MAGI2: variants seen among roughly 807,000 people sequenced by gnomAD.
MAGI2 encodes the protein membrane associated guanylate kinase, WW and PDZ domain containing 2, also known as membrane-associated guanylate kinase, WW and PDZ domain-containing protein 2.
A neutral mutation model predicts 133.3 loss-of-function variants in MAGI2; 35 were observed. The observed-to-expected ratio is 0.26, with a 90% CI of 0.20 to 0.35. MAGI2 has a LOEUF of 0.35. Ranked by LOEUF, MAGI2 falls within the 10% of genes least tolerant of loss-of-function variation. The probability of loss-of-function intolerance (pLI) is 1.00; values close to 1 mark genes in which losing one functional copy is unlikely to be tolerated. For synonymous variants in MAGI2, 729 were observed against 710.6 expected, an observed-to-expected ratio of 1.03 and a Z score of -0.41; for missense variants, 1,636 against 1,863.4, an observed-to-expected ratio of 0.88 and a Z score of 2.25.
intron 3 of MAGI2, among the ~76,000 whole-genome samples, chr7:78,553,737 C>T (rs1799556976): frequency 6.6e-6 from 1 of 152,190 alleles, no homozygotes; most frequent in African/African-American, 2.4e-5. Context: ...TCAGAGAAAT[C>T]ATATTGCCCC....
rs72358342 is a variant in MAGI2, at chr7:78,931,998, C to CAA, written c.418+75090_418+75091dup. On this transcript the variant is annotated intron_variant, in intron 2 of 21. Coordinates refer to ENST00000354212, the MANE Select transcript of MAGI2 (RefSeq NM_012301.4). ...TGATGGGTCATAGTCAAAAGGAAGG[C>CAA]AAAAAAAAAAAAAAAAACCCACATG... 5.2e-3 allele frequency among the ~76,000 whole-genome samples: 408 copies of CAA among 79,086 alleles called. 4 individuals carry two copies. The highest frequency in any genetic ancestry group is 0.016 in the African/African-American group (379 of 23,450). 51.9% of individuals were successfully genotyped at this position (79,086 alleles called of 152,430 possible). A position where few individuals can be genotyped will look rare whatever the true frequency, so the allele number is the denominator to read the frequency against.
intron 1 of MAGI2, among the ~76,000 whole-genome samples, chr7:79,184,358 A>T (rs1042386636): frequency 6.6e-6 from 1 of 151,522 alleles, no homozygotes; most frequent in African/African-American, 2.4e-5. Flanking sequence ...AGAAATCACC[A>T]TTAAAGAACT....
intron 3 of MAGI2, among the ~76,000 whole-genome samples, chr7:78,595,788 G>A (rs1206458552): frequency 6.6e-6 from 1 of 152,268 alleles, no homozygotes; most frequent in East Asian, 1.9e-4. Context: ...GAGACCTTAA[G>A]TATTTTGAAT....
chr7:78,836,166 G>C (rs1404762235), intron 2 of MAGI2, among the ~76,000 whole-genome samples: 1 of 152,140 alleles, frequency 6.6e-6, no homozygotes, highest in African/African-American at 2.4e-5. Flanking sequence ...CTCAGAAGCA[G>C]GATAAATTTC....
chr7:79,142,940 C>A (rs2129546329), intron 1 of MAGI2, among the ~76,000 whole-genome samples: 1 of 152,220 alleles, frequency 6.6e-6, no homozygotes, highest in East Asian at 1.9e-4. Flanking sequence ...TGTCATCTTT[C>A]TGACACTACT....
chr7:79,429,176 T>A (rs7784680), intron 1 of MAGI2, among the ~76,000 whole-genome samples: 73,936 of 151,978 alleles, frequency 0.49, 18,327 homozygotes, highest in Middle Eastern at 0.66. Flanking sequence ...ACAGAACAGC[T>A]TTTGATCTTT....
At chr7:78,107,082 A>T (rs111318372) in intron 20 of MAGI2, among the ~76,000 whole-genome samples, 1 of 152,168 alleles carries the variant, frequency 6.6e-6, no homozygotes, top group Non-Finnish European at 1.5e-5. Flanking sequence ...ATGGATATCC[A>T]GTTTTCCCAG....
chr7:78,942,331 T>G (rs560361123), intron 2 of MAGI2, among the ~76,000 whole-genome samples: 80 of 152,250 alleles, frequency 5.3e-4, no homozygotes, highest in South Asian at 4.4e-3. Context: ...CCCTGTTGAT[T>G]GTAAACTTTC....
At chr7:79,007,280 A>G (rs757151754) in intron 1 of MAGI2, 74 bp from the exon 2 acceptor site, 13 of 834,908 alleles carry the variant, frequency 1.6e-5, no homozygotes, top group Non-Finnish European at 2.6e-5. Context: ...TCTGTCATCA[A>G]TATACTCAGG....
chr7:78,614,841 C>T (rs1806899212), intron 3 of MAGI2: 1 of 152,286 alleles, frequency 6.6e-6, no homozygotes, highest in Admixed American at 6.5e-5. Flanking sequence ...CTTTCCCTTT[C>T]AGAAGTCCAA....
intron 2 of MAGI2, among the ~76,000 whole-genome samples, chr7:78,895,271 G>A (rs1797112753): frequency 6.6e-6 from 1 of 152,134 alleles, no homozygotes; most frequent in South Asian, 2.1e-4. Flanking sequence ...TCAGCAAGAA[G>A]GCTCTCACCA....
chr7:78,700,887 G>T (rs1008295372), intron 2 of MAGI2, among the ~76,000 whole-genome samples: 3 of 150,322 alleles, frequency 2.0e-5, no homozygotes, highest in African/African-American at 7.3e-5. Context: ...TTAAGCAAAT[G>T]GAAAAAATAC....
rs539214472 is a variant in MAGI2, at chr7:79,265,935, C to G, written c.301+187085G>C. Among the ~76,000 whole-genome samples, 5 of 152,156 alleles carry G rather than the reference C, an allele frequency of 3.3e-5. No individual in the cohort carries two copies. In the East Asian group the frequency reaches 9.7e-4, roughly 29 times the overall value. On this transcript the variant is annotated intron_variant, in intron 1 of 21. Coordinates refer to ENST00000354212, the MANE Select transcript of MAGI2 (RefSeq NM_012301.4). ...TTTCTATTTTGTGCTGTTTTGTAAG[C>G]TGAAAATATTTTGTGGCAATTTTAC...
At chr7:78,373,723 C>G (rs929195513) in intron 6 of MAGI2, among the ~76,000 whole-genome samples, 2 of 152,076 alleles carry the variant, frequency 1.3e-5, no homozygotes, top group African/African-American at 4.8e-5. Flanking sequence ...TAGCACAGAG[C>G]AGTTTTTCAA....
chr7:79,074,670 A>G (rs1249874392), intron 1 of MAGI2, among the ~76,000 whole-genome samples: 1 of 152,244 alleles, frequency 6.6e-6, no homozygotes, highest in Non-Finnish European at 1.5e-5. Flanking sequence ...TGAATTAAGT[A>G]TGTGAAAATC....
intron 6 of MAGI2, among the ~76,000 whole-genome samples, chr7:78,483,877 C>T (rs73703418): frequency 0.028 from 4,224 of 151,952 alleles, 195 homozygotes; most frequent in African/African-American, 0.097. Flanking sequence ...AGTTTTAGTA[C>T]TTGAATAGTT....
At chr7:79,206,999 A>G (rs2129552351) in intron 1 of MAGI2, among the ~76,000 whole-genome samples, 1 of 152,084 alleles carries the variant, frequency 6.6e-6, no homozygotes, top group South Asian at 2.1e-4. Context: ...TTAAAATTTG[A>G]CAAAATTTAA....
At chr7:78,521,867 A>T (rs995285684) in intron 3 of MAGI2, among the ~76,000 whole-genome samples, 26 of 152,146 alleles carry the variant, frequency 1.7e-4, no homozygotes, top group Non-Finnish European at 5.9e-5. Flanking sequence ...TTAGAGATAT[A>T]GATCTATCTT....
chr7:79,271,005 C>T (rs899260457), intron 1 of MAGI2, among the ~76,000 whole-genome samples: 1 of 152,002 alleles, frequency 6.6e-6, no homozygotes, highest in Non-Finnish European at 1.5e-5. Flanking sequence ...ATTTCCTTTA[C>T]TGCTTCCTCT....
Sources: gnomAD v4.1 joint callset for allele counts (sites outside exome capture counted in the v4.1 genomes callset) on GRCh38, gnomAD v4.1.1 for gene constraint, MANE v1.5 for transcripts, NCBI Gene and HGNC (gene_info 2026-07-23, HGNC 2026-07-21) for gene names.